Variants in LZTS1 observed in about 807,000 individuals in gnomAD.
The protein encoded by LZTS1 is leucine zipper putative tumor suppressor 1.
In LZTS1, 31 loss-of-function variants were observed where a neutral mutation model predicts 45.8. The observed-to-expected ratio is 0.68, with a 90% confidence interval of 0.51 to 0.91. The LOEUF (loss-of-function observed/expected upper bound fraction) is 0.91. Among genes scored for constraint, LZTS1 ranks in the 40% least tolerant of loss-of-function variants. The probability of loss-of-function intolerance (pLI) is 0.00; values close to 1 mark genes in which losing one functional copy is unlikely to be tolerated. For missense variants in LZTS1, 821 were observed against 788.9 expected (o/e 1.04, Z -0.49); for synonymous variants, 359 against 357.3 (o/e 1.00, Z -0.05).
chr8:20,254,422 G>GTCTCCC (rs1376266772), intron 2 of LZTS1, among the ~76,000 whole-genome samples: 3 of 152,162 alleles, frequency 2.0e-5, no homozygotes, highest in African/African-American at 7.2e-5. Flanking sequence ...ACCCCCACGA[G>GTCTCCC]TCTCCCGGGG....
intron 1 of LZTS1, among the ~76,000 whole-genome samples, chr8:20,272,287 G>T (rs1183736105): frequency 6.6e-6 from 1 of 152,062 alleles, no homozygotes; most frequent in Non-Finnish European, 1.5e-5. Flanking sequence ...ACTCTGGGTC[G>T]CATCTGACCT....
At chr8:20,256,116 C>A (rs1800094882) in intron 1 of LZTS1, among the ~76,000 whole-genome samples, 1 of 144,492 alleles carries the variant, frequency 6.9e-6, no homozygotes, top group Non-Finnish European at 1.5e-5. Context: ...AGGTGCAAGT[C>A]ATATGAAAAT....
At chr8:20,288,566 T>A (rs1015370862) in intron 1 of LZTS1, among the ~76,000 whole-genome samples, 9 of 152,116 alleles carry the variant, frequency 5.9e-5, no homozygotes, top group African/African-American at 2.2e-4. Context: ...AACTGATGGA[T>A]GCAAAAAAAT....
At chr8:20,300,763 C>G (rs896888614) in intron 1 of LZTS1, among the ~76,000 whole-genome samples, 1 of 152,066 alleles carries the variant, frequency 6.6e-6, no homozygotes, top group African/African-American at 2.4e-5. Context: ...AGGAAGGTAC[C>G]TGACTCAGAA....
intron 1 of LZTS1, chr8:20,290,454 T>C (rs1800881551): frequency 6.6e-6 from 1 of 152,248 alleles, no homozygotes; most frequent in South Asian, 2.1e-4. Flanking sequence ...AATCATTAAA[T>C]GCCAGCCTGC....
rs1331458162 is a variant in LZTS1 at position 20,253,389 on chromosome 8, C to T, written c.542G>A (p.Ser181Asn). The T allele has an allele frequency of 6.2e-7, 1 of 1,612,780 alleles. No individual in the cohort carries two copies. Among genetic ancestry groups the T allele is most frequent in the African/African-American group, 1.3e-5 (1 of 75,026 alleles). The change falls in exon 3 of 4, where the codon AGC (serine) becomes AAC (asparagine). Residue 181 changes from serine (S) to asparagine (N), a missense_variant. Coordinates refer to ENST00000381569, the MANE Select transcript of LZTS1 (RefSeq NM_021020.5). ...GCTGCTGGTGCTGTGTGTGGGCAGGCTGGACATGGAGTTCCGGCCGGAGTC... is the reference window on the plus strand; with the variant it reads ...GCTGCTGGTGCTGTGTGTGGGCAGGTTGGACATGGAGTTCCGGCCGGAGTC... ...LSDSGRNSMS[S>N]LPTHSTSSSY... is the part of the protein sequence containing the mutation.
chr8:20,281,961 C>T (rs575192130), intron 1 of LZTS1, among the ~76,000 whole-genome samples: 16 of 152,120 alleles, frequency 1.1e-4, no homozygotes, highest in South Asian at 1.0e-3. Context: ...TGCTACCAGC[C>T]CCCCAGAGTA....
intron 1 of LZTS1, among the ~76,000 whole-genome samples, chr8:20,287,358 T>C (rs566959180): frequency 3.2e-4 from 49 of 152,378 alleles, no homozygotes; most frequent in Middle Eastern, 3.4e-3. Flanking sequence ...ACATCTTTGC[T>C]GTCAGCACAG....
intron 1 of LZTS1, among the ~76,000 whole-genome samples, chr8:20,274,884 C>G (rs555882959): frequency 9.9e-5 from 15 of 152,088 alleles, no homozygotes; most frequent in Non-Finnish European, 2.1e-4. Context: ...ACCCCTCGAC[C>G]TAACCCTTGG....
intron 1 of LZTS1, among the ~76,000 whole-genome samples, chr8:20,270,268 C>T (rs1011816361): frequency 3.9e-5 from 6 of 152,270 alleles, no homozygotes; most frequent in East Asian, 3.8e-4. Context: ...CCTCTTACAT[C>T]GTTCTTCCAC....
chr8:20,247,260 C>T lies in LZTS1; in HGVS notation c.*2462G>A, dbSNP rs62499964. The T allele has an allele frequency of 1.3e-5, 2 of 152,370 alleles. No homozygotes were observed. The highest frequency in any genetic ancestry group is 2.9e-5 in the Non-Finnish European group (2 of 68,226). The allele number at this position is 152,370 out of a possible 1,614,324, so 9.4% of individuals were successfully genotyped here. On this transcript the variant is annotated 3_prime_UTR_variant, in exon 4 of 4. Transcript: ENST00000381569. ...CCATGGCGGAGCACAGCCTCCGCCT[C>T]AGGGCCTTCCCCTGGGTGTGGCAGC... is the stretch of plus-strand genomic sequence containing the variant.
chr8:20,265,767 A>G (rs944341049), intron 1 of LZTS1, among the ~76,000 whole-genome samples: 14 of 151,576 alleles, frequency 9.2e-5, no homozygotes, highest in African/African-American at 3.4e-4. Context: ...AAGAAAGAAT[A>G]CAGCCCTGTT....
rs1302319907 is a variant in LZTS1 at position 20,303,744 on chromosome 8, C to A, written c.-139G>T. ...TCCCCGGCCACCGCACCTTACCTGC[C>A]CCCTGCGCCTCGGGCGCACTTGAGA... On this transcript the variant is annotated 5_prime_UTR_variant, in exon 1 of 4. Coordinates refer to ENST00000381569, the MANE Select transcript of LZTS1 (RefSeq NM_021020.5). 1 of 985,612 alleles carries A rather than the reference C, an allele frequency of 1.0e-6. No homozygotes were observed. The highest frequency in any genetic ancestry group is 1.2e-6 in the Non-Finnish European group (1 of 830,224). 61.1% of individuals were successfully genotyped at this position (985,612 alleles called of 1,614,324 possible).
At chr8:20,254,535 C>T (rs1482351144) in intron 2 of LZTS1, among the ~76,000 whole-genome samples, 2 of 152,214 alleles carry the variant, frequency 1.3e-5, no homozygotes, top group African/African-American at 4.8e-5. Context: ...CTGGATCCTA[C>T]GTTGACAATC....
chr8:20,262,799 A>G (rs2128894603), intron 1 of LZTS1, among the ~76,000 whole-genome samples: 1 of 152,332 alleles, frequency 6.6e-6, no homozygotes, highest in Non-Finnish European at 1.5e-5. Context: ...CAGCCCCACG[A>G]CAAAGAATGA....
intron 2 of LZTS1, 87 bp downstream of exon 2, chr8:20,254,750 T>C: frequency 8.9e-7 from 1 of 1,129,244 alleles, no homozygotes; most frequent in Non-Finnish European, 1.2e-6. Context: ...AGGTCACCAC[T>C]CCCCCTGAAC....
chr8:20,300,533 C>T (rs1437679466), intron 1 of LZTS1, among the ~76,000 whole-genome samples: 2 of 151,948 alleles, frequency 1.3e-5, no homozygotes, highest in African/African-American at 4.8e-5. Flanking sequence ...GGTGTTTCAC[C>T]GTGTTAGCCA....
At chr8:20,271,647 C>A (rs981062222) in intron 1 of LZTS1, among the ~76,000 whole-genome samples, 1 of 152,230 alleles carries the variant, frequency 6.6e-6, no homozygotes, top group African/African-American at 2.4e-5. Flanking sequence ...ACCTACTCTT[C>A]CCTCTGCCAG....
intron 3 of LZTS1, among the ~76,000 whole-genome samples, chr8:20,250,846 G>A (rs1414621807): frequency 1.3e-5 from 2 of 151,906 alleles, no homozygotes; most frequent in African/African-American, 4.8e-5. Flanking sequence ...TGCTCTGCCT[G>A]CCTCTGCCTC....
Sources: gnomAD v4.1 joint callset for allele counts (sites outside exome capture counted in the v4.1 genomes callset) on GRCh38, gnomAD v4.1.1 for gene constraint, MANE v1.5 for transcripts, NCBI Gene and HGNC (gene_info 2026-07-23, HGNC 2026-07-21) for gene names.